The following THOC7 variants were observed in gnomAD, a reference collection of about 807,000 sequenced individuals.
THOC7 encodes the protein THO complex subunit 7.
A neutral mutation model predicts 33.1 loss-of-function variants in THOC7; 22 were observed. The ratio of observed to expected loss-of-function variants is 0.66; its 90% confidence interval spans 0.47 to 0.95. THOC7 has a LOEUF of 0.95. Ranked by LOEUF, THOC7 falls within the 40% of genes least tolerant of loss-of-function variation. The pLI is 0.00. For synonymous variants in THOC7, 77 were observed against 76.8 expected (o/e 1.00, Z -0.01); for missense variants, 184 against 245.3 (o/e 0.75, Z 1.67).
intron 1 of THOC7, among the ~76,000 whole-genome samples, chr3:63,862,332 C>T (rs1702240743): frequency 6.6e-6 from 1 of 152,182 alleles, no homozygotes. Flanking sequence ...TTCTCATTTC[C>T]ATTGATTGGA....
chr3:63,851,306 G>C (rs996203052), intron 1 of THOC7, among the ~76,000 whole-genome samples: 7 of 152,162 alleles, frequency 4.6e-5, no homozygotes, highest in African/African-American at 1.7e-4. Flanking sequence ...CAGAATGATG[G>C]CAACTGATAG....
intron 4 of THOC7, 32 bp from the exon 5 acceptor site, chr3:63,836,390 G>T: frequency 6.2e-7 from 1 of 1,601,690 alleles, no homozygotes; most frequent in South Asian, 1.1e-5. Context: ...ATCAAACTAA[G>T]GATTTTTTGA....
chr3:63,859,667 C>T (rs1702170641), intron 1 of THOC7, among the ~76,000 whole-genome samples: 1 of 152,248 alleles, frequency 6.6e-6, no homozygotes, highest in South Asian at 2.1e-4. Context: ...CACACTATGG[C>T]TTCTTTCCCC....
intron 1 of THOC7, among the ~76,000 whole-genome samples, chr3:63,855,271 A>G (rs1702094332): frequency 1.7e-5 from 1 of 58,072 alleles, no homozygotes; most frequent in Admixed American, 2.4e-4. Context: ...CCATAATTGC[A>G]CATACAAAAT....
chr3:63,847,659 C>T (rs1286879622), intron 1 of THOC7, among the ~76,000 whole-genome samples: 2 of 152,124 alleles, frequency 1.3e-5, no homozygotes, highest in Non-Finnish European at 2.9e-5. Context: ...ATTGCTTGAA[C>T]CCAGGAGGCA....
At chr3:63,846,136 CCTCT>C (rs369898101) in intron 1 of THOC7, 19 of 412,818 alleles carry the variant, frequency 4.6e-5, no homozygotes, top group Middle Eastern at 6.9e-4. Context: ...ACTCCTACTG[CCTCT>C]CTCTCTCTTT....
At position 63,839,755 on chromosome 3, in the gene THOC7, C is replaced by T. The variant is rs1161114052; in HGVS notation, c.38G>A (p.Arg13His). The T allele has an allele frequency of 9.3e-6, 15 of 1,613,230 alleles. No individual in the cohort carries two copies. Among genetic ancestry groups the T allele is most frequent in the East Asian group, 2.2e-5 (1 of 44,864 alleles). The part of the protein sequence containing the change: ...AVTDDEVIRK[R>H]LLIDGDGAGD... The stretch of plus-strand genomic sequence containing the variant: ...AGCACCATCTCCATCAATGAGGAGA[C>T]GCTTCCGTATAACTTCGTCTGCAGG... Residue 13 changes from arginine (R) to histidine (H), a missense_variant, in exon 2 of 8, where the codon CGT becomes CAT. Arg to His is a conservative substitution (Grantham distance 29). This residue lies in a region of THOC7 where 157 missense variants were observed against 201.3 expected (regional missense o/e 0.78). Coordinates refer to ENST00000295899, the MANE Select transcript of THOC7 (RefSeq NM_025075.4).
chr3:63,848,815 G>T (rs1701960868), intron 1 of THOC7, among the ~76,000 whole-genome samples: 1 of 152,066 alleles, frequency 6.6e-6, no homozygotes, highest in Non-Finnish European at 1.5e-5. Flanking sequence ...TTGTTTTACA[G>T]ATTTAAGGAA....
intron 1 of THOC7, among the ~76,000 whole-genome samples, chr3:63,847,326 G>A (rs1701920387): frequency 6.6e-6 from 1 of 152,068 alleles, no homozygotes; most frequent in African/African-American, 2.4e-5. Flanking sequence ...TTTTAACCAT[G>A]GCCATTTTAA....
chr3:63,843,756 C>G lies in THOC7; in HGVS notation c.20-3983G>C, dbSNP rs141760389. 8.5e-3 allele frequency among the ~76,000 whole-genome samples: 1,286 copies of G among 152,154 alleles called. 18 individuals are homozygous for G. The highest frequency in any genetic ancestry group is 0.027 in the African/African-American group (1,131 of 41,532). On this transcript the variant is annotated intron_variant, in intron 1 of 7. Transcript: ENST00000295899. ...TCCACTAAAAATACAAAAATATTAGCCAGGCATGGTGGCTGGTGCCTGTAG... is the reference window on the plus strand; with the variant it reads ...TCCACTAAAAATACAAAAATATTAGGCAGGCATGGTGGCTGGTGCCTGTAG...
rs187425745 is a variant in THOC7 at position 63,841,451 on chromosome 3, C to T, written c.20-1678G>A. ...AGTGTGAATAATTCCTGGAGAGCCTCCATGCTGAATCAACAGCAAAATCTT... is the reference window on the plus strand; with the variant it reads ...AGTGTGAATAATTCCTGGAGAGCCTTCATGCTGAATCAACAGCAAAATCTT... On this transcript the variant is annotated intron_variant, in intron 1 of 7. Transcript: ENST00000295899. 2.0e-3 allele frequency among the ~76,000 whole-genome samples: 299 copies of T among 152,286 alleles called. 2 individuals carry two copies. The highest frequency in any genetic ancestry group is 6.9e-3 in the African/African-American group (285 of 41,558).
intron 1 of THOC7, 36 bp downstream of exon 1, chr3:63,863,736 T>TGCAGCGGGCGCGTGTG: frequency 8.0e-7 from 1 of 1,249,090 alleles, no homozygotes; most frequent in Non-Finnish European, 1.0e-6. Context: ...CAGCGGGCCG[T>TGCAGCGGGCGCGTGTG]GCAGCGGGCG....
chr3:63,846,685 A>G (rs1701904963), intron 1 of THOC7, among the ~76,000 whole-genome samples: 1 of 152,150 alleles, frequency 6.6e-6, no homozygotes, highest in Non-Finnish European at 1.5e-5. Flanking sequence ...TGCGGGAATT[A>G]TAGGCATGAG....
At chr3:63,850,505 CTTTAA>C (rs969055681) in intron 1 of THOC7, among the ~76,000 whole-genome samples, 5 of 150,366 alleles carry the variant, frequency 3.3e-5, no homozygotes, top group African/African-American at 9.8e-5. Context: ...CTGGCCTCTG[CTTTAA>C]TTTAAGATAG....
At chr3:63,835,122 TA>T in intron 7 of THOC7, 31 bp downstream of exon 7, 1 of 1,605,844 alleles carries the variant, frequency 6.2e-7, no homozygotes, top group Non-Finnish European at 8.5e-7. Context: ...AAAATCTTCA[TA>T]AGCATTTACT....
In THOC7 at chr3:63,835,324, C is replaced by T. The variant is rs1701607770; in HGVS notation, c.477G>A (p.Lys159=). The T allele has an allele frequency of 6.2e-7, 1 of 1,613,394 alleles. No homozygotes were observed. The highest frequency in any genetic ancestry group is 8.5e-7 in the Non-Finnish European group (1 of 1,179,680). ...GAAGGCTAAATATATATGCGAATAC[C>T]TTATCTTCAACACTTTCTTTAATGT... ...LSHIKESVED[K]LELRRKQFHV... The change falls in exon 6 of 8, where the codon AAG becomes AAA. Residue 159 remains lysine, a splice_region_variant and synonymous_variant. Transcript: ENST00000295899.
At chr3:63,843,538 A>C (rs1177315769) in intron 1 of THOC7, among the ~76,000 whole-genome samples, 1 of 152,230 alleles carries the variant, frequency 6.6e-6, no homozygotes, top group African/African-American at 2.4e-5. Context: ...TCCAACGTTT[A>C]TAGCAGCCTT....
At chr3:63,862,391 T>C (rs1052884248) in intron 1 of THOC7, among the ~76,000 whole-genome samples, 15 of 152,250 alleles carry the variant, frequency 9.9e-5, no homozygotes, top group Admixed American at 7.8e-4. Context: ...TTGTACTTCC[T>C]TGTGGTAATA....
chr3:63,855,948 A>G (rs1702107926), intron 1 of THOC7, among the ~76,000 whole-genome samples: 1 of 152,264 alleles, frequency 6.6e-6, no homozygotes, highest in Admixed American at 6.5e-5. Flanking sequence ...AAGGCATTAC[A>G]GCAAGATATA....
Sources: allele counts gnomAD v4.1 joint callset (sites outside exome capture counted in the v4.1 genomes callset), GRCh38; gene constraint gnomAD v4.1.1; regional missense constraint gnomAD v4.1.1; transcripts MANE v1.5; gene names NCBI Gene and HGNC (gene_info 2026-07-23, HGNC 2026-07-21).